MTX2: variants seen among roughly 807,000 people sequenced by gnomAD.
MTX2 encodes metaxin 2.
MTX2 carries 35 observed loss-of-function variants against 42.3 expected under a neutral mutation model. The observed-to-expected ratio is 0.83, with a 90% confidence interval of 0.63 to 1.10. The LOEUF (loss-of-function observed/expected upper bound fraction) is 1.10. MTX2 is among the 50% of genes least tolerant of loss of function. The pLI, the probability that MTX2 is intolerant of heterozygous loss-of-function variation, is 0.00. For missense variants in MTX2, 307 were observed against 304.1 expected (o/e 1.01, Z -0.07); for synonymous variants, 119 against 100.9 (o/e 1.18, Z -1.08).
chr2:176,330,704 G>T, intron 9 of MTX2, 44 bp downstream of exon 9: 3 of 1,327,022 alleles, frequency 2.3e-6, no homozygotes, highest in East Asian at 2.3e-5. Context: ...TGTACTGTTA[G>T]GTTGCAAATT....
chr2:176,328,710 C>T (rs902322486), intron 6 of MTX2, among the ~76,000 whole-genome samples, 164 bp from the exon 7 acceptor site: 8 of 151,180 alleles, frequency 5.3e-5, no homozygotes, highest in African/African-American at 1.7e-4. Context: ...ATTTTTATAA[C>T]GTACCATCAT....
At chr2:176,285,153 CACTT>C (rs1233163062) in intron 1 of MTX2, among the ~76,000 whole-genome samples, 1 of 152,144 alleles carries the variant, frequency 6.6e-6, no homozygotes, top group Non-Finnish European at 1.5e-5. Context: ...TGGCTGCTGT[CACTT>C]ACTAGCATTG....
chr2:176,298,994 A>G (rs1364145458), intron 3 of MTX2, among the ~76,000 whole-genome samples: 1 of 152,046 alleles, frequency 6.6e-6, no homozygotes, highest in Non-Finnish European at 1.5e-5. Flanking sequence ...AAGAGCCCCT[A>G]AAACTACATA....
intron 1 of MTX2, among the ~76,000 whole-genome samples, chr2:176,281,321 G>A (rs1051667850): frequency 8.5e-5 from 13 of 152,102 alleles, no homozygotes; most frequent in Admixed American, 2.6e-4. Flanking sequence ...AGTGGTTCAG[G>A]GTTGGAAACC....
chr2:176,311,886 C>T (rs934769875), intron 3 of MTX2, among the ~76,000 whole-genome samples: 1 of 152,108 alleles, frequency 6.6e-6, no homozygotes, highest in Non-Finnish European at 1.5e-5. Flanking sequence ...CCCTGCTTTT[C>T]CTAGCCCTCC....
intron 3 of MTX2, among the ~76,000 whole-genome samples, chr2:176,316,547 A>G (rs1380729374): frequency 6.6e-6 from 1 of 151,890 alleles, no homozygotes; most frequent in African/African-American, 2.4e-5. Flanking sequence ...GACTACAGGC[A>G]CACACCATCA....
intron 3 of MTX2, among the ~76,000 whole-genome samples, chr2:176,319,952 G>A (rs186448708): frequency 6.6e-6 from 1 of 152,130 alleles, no homozygotes; most frequent in East Asian, 1.9e-4. Flanking sequence ...CTCCCTCCTC[G>A]GCCTCTGGAA....
chr2:176,279,499 A>G (rs933227207), intron 1 of MTX2, among the ~76,000 whole-genome samples: 9 of 152,136 alleles, frequency 5.9e-5, no homozygotes, highest in African/African-American at 1.9e-4. Flanking sequence ...ATGAATTATA[A>G]GTAATGTTTC....
chr2:176,275,651 A>G (rs1692929501), intron 1 of MTX2, among the ~76,000 whole-genome samples: 2 of 152,146 alleles, frequency 1.3e-5, no homozygotes, highest in South Asian at 2.1e-4. Context: ...TTTTCAATAC[A>G]TTACTCACAT....
intron 1 of MTX2, among the ~76,000 whole-genome samples, chr2:176,279,023 A>G (rs1415165856): frequency 2.0e-5 from 3 of 152,204 alleles, no homozygotes; most frequent in African/African-American, 7.2e-5. Flanking sequence ...CATAAAAGCA[A>G]TCATTTTGTC....
chr2:176,308,231 G>C (rs1262477729), intron 3 of MTX2, among the ~76,000 whole-genome samples: 1 of 152,108 alleles, frequency 6.6e-6, no homozygotes, highest in Non-Finnish European at 1.5e-5. Flanking sequence ...AACCAGCCTT[G>C]CATCCCAAGG....
At chr2:176,312,553 A>G (rs1044822277) in intron 3 of MTX2, among the ~76,000 whole-genome samples, 1 of 152,282 alleles carries the variant, frequency 6.6e-6, no homozygotes, top group Middle Eastern at 3.4e-3. Flanking sequence ...TAGAGCATAT[A>G]TTCACTATTC....
chr2:176,289,755 A>G (rs1018617154), intron 1 of MTX2, among the ~76,000 whole-genome samples: 12 of 152,100 alleles, frequency 7.9e-5, no homozygotes, highest in African/African-American at 2.7e-4. Flanking sequence ...TCATGAAATA[A>G]TTAATTTCTA....
chr2:176,304,629 A>G (rs1229012174), intron 3 of MTX2, among the ~76,000 whole-genome samples: 1 of 152,042 alleles, frequency 6.6e-6, no homozygotes, highest in African/African-American at 2.4e-5. Context: ...CTCTTCAGTA[A>G]GGTAGAAAAT....
At chr2:176,317,263 C>G (rs1162676614) in intron 3 of MTX2, among the ~76,000 whole-genome samples, 1 of 151,950 alleles carries the variant, frequency 6.6e-6, no homozygotes, top group African/African-American at 2.4e-5. Flanking sequence ...ACCCTGATCT[C>G]TGTTCTTTTT....
intron 1 of MTX2, among the ~76,000 whole-genome samples, chr2:176,276,490 C>A (rs996204326): frequency 2.0e-5 from 3 of 152,068 alleles, no homozygotes; most frequent in Non-Finnish European, 4.4e-5. Context: ...GGAACAAGGT[C>A]ATTGGAGTAA....
intron 5 of MTX2, 103 bp from the exon 6 acceptor site, chr2:176,328,190 A>T: frequency 1.7e-6 from 1 of 604,224 alleles, no homozygotes; most frequent in Non-Finnish European, 2.7e-6. Flanking sequence ...TGGACGTTTA[A>T]TTCATTGTAT....
rs184650143 is a variant in MTX2 at position 176,305,014 on chromosome 2, G to A, written c.135+7119G>A. On this transcript the variant is annotated intron_variant, in intron 3 of 9. Coordinates refer to ENST00000249442, the MANE Select transcript of MTX2 (RefSeq NM_006554.5). ...TCTAATCTTTAAAAACTTATTAAAGGCAATTCTTTAAAATTTTGAATTACT... is the reference window on the plus strand; with the variant it reads ...TCTAATCTTTAAAAACTTATTAAAGACAATTCTTTAAAATTTTGAATTACT... Among the ~76,000 whole-genome samples, 401 of 152,044 alleles carry A rather than the reference G, an allele frequency of 2.6e-3. 4 individuals carry two copies. Among genetic ancestry groups the A allele is most frequent in the African/African-American group, 8.6e-3 (359 of 41,508 alleles).
chr2:176,272,470 T>C (rs927415267), intron 1 of MTX2, among the ~76,000 whole-genome samples: 1 of 152,202 alleles, frequency 6.6e-6, no homozygotes, highest in African/African-American at 2.4e-5. Context: ...ATTACCTTGA[T>C]TTATTCTTTC....
Sources: gnomAD v4.1 joint callset for allele counts (sites outside exome capture counted in the v4.1 genomes callset) on GRCh38, gnomAD v4.1.1 for gene constraint, MANE v1.5 for transcripts, NCBI Gene and HGNC (gene_info 2026-07-23, HGNC 2026-07-21) for gene names.